Variants in TMF1 observed in about 807,000 individuals in gnomAD.
TMF1 encodes the protein TATA element modulatory factor 1.
A neutral mutation model predicts 126.5 loss-of-function variants in TMF1; 71 were observed. The ratio of observed to expected loss-of-function variants is 0.56; its 90% CI spans 0.46 to 0.68. TMF1 has a LOEUF of 0.68. Ranked by LOEUF, TMF1 falls within the 30% of genes least tolerant of loss-of-function variation. TMF1 has a pLI of 0.00. For missense variants in TMF1, 1,259 were observed against 1,253.2 expected (o/e 1.00, Z -0.07); for synonymous variants, 461 against 430.5 (o/e 1.07, Z -0.88).
chr3:69,029,882 T>C lies in TMF1; in HGVS notation c.2527A>G (p.Ser843Gly), dbSNP rs749839125. Residue 843 changes from serine to glycine, a missense_variant, in exon 11 of 17, where the codon AGT becomes GGT. Transcript: ENST00000398559. ...SQNSLLRQEN[S>G]RFQAQLESEK... ...GATTCTAGCTGGGCTTGAAATCTAC[T>C]GTTTTCCTGTCTTAAAAGAGAATTC... The C allele has an allele frequency of 2.3e-5, 37 of 1,614,068 alleles. No homozygotes were observed. Among genetic ancestry groups the C allele is most frequent in the Non-Finnish European group, 3.0e-5 (35 of 1,180,038 alleles).
chr3:69,030,313 C>CT (rs555516012), intron 10 of TMF1: 436 of 221,782 alleles, frequency 2.0e-3, no homozygotes, highest in African/African-American at 9.3e-3. Flanking sequence ...ACCAAAAAGC[C>CT]TACACATCAC....
intron 5 of TMF1, among the ~76,000 whole-genome samples, chr3:69,040,755 C>G (rs1223595977): frequency 6.6e-5 from 10 of 152,058 alleles, no homozygotes; most frequent in Non-Finnish European, 1.3e-4. Flanking sequence ...AACCCCATCT[C>G]TACTAAAAAT....
intron 9 of TMF1, among the ~76,000 whole-genome samples, chr3:69,034,812 A>G (rs2091823504): frequency 1.3e-5 from 2 of 152,196 alleles, no homozygotes; most frequent in Non-Finnish European, 2.9e-5. Flanking sequence ...CTATCATAAC[A>G]TTATTTTCTA....
rs1559637304 is a variant in TMF1, at chr3:69,051,964, G to A, written c.123C>T (p.Thr41=). The A allele has an allele frequency of 6.2e-7, 1 of 1,613,726 alleles. No individual in the cohort carries two copies. The highest frequency in any genetic ancestry group is 2.2e-5 in the East Asian group (1 of 44,838). ...QEEEPSIWAE[T]IPYGEPGISS... ...TCTTACCCGGCTCTCCATACGGAAT[G>A]GTCTCGGCCCAGATGCTCGGCTCCT... Residue 41 remains threonine (T), a synonymous_variant, in exon 1 of 17, where the codon ACC becomes ACT. Transcript: ENST00000398559.
At position 69,043,652 on chromosome 3, in the gene TMF1, T is replaced by C. The variant is rs2091879673; in HGVS notation, c.1578+98A>G. 5.1e-6 allele frequency: 6 copies of C among 1,169,840 alleles called. No individual in the cohort carries two copies. In the Admixed American group the frequency reaches 9.7e-5, roughly 19 times the overall value. The allele number at this position is 1,169,840 out of a possible 1,614,324, so 72.5% of individuals were successfully genotyped here. Reference sequence around the variant, plus strand: ...TTAATAGATGATATCCTTTTCACCTTACTTCTCTTTTTTCCAATATCAAAA... The same window carrying C: ...TTAATAGATGATATCCTTTTCACCTCACTTCTCTTTTTTCCAATATCAAAA... On this transcript the variant is annotated intron_variant, in intron 4 of 16. Coordinates refer to ENST00000398559, the MANE Select transcript of TMF1 (RefSeq NM_007114.3).
At chr3:69,035,283 T>C (rs2271122) in intron 8 of TMF1, 168 bp from the exon 9 acceptor site, 449,978 of 581,498 alleles carry the variant, frequency 0.77, 175,262 homozygotes, top group Admixed American at 0.84. Context: ...CAAGCAATTC[T>C]AAAACTGTAT....
At position 69,038,624 on chromosome 3, in the gene TMF1, A is replaced by T; in HGVS notation, c.2091T>A (p.Ser697=). The T allele has an allele frequency of 6.2e-7, 1 of 1,614,170 alleles. No individual in the cohort carries two copies. Among genetic ancestry groups the T allele is most frequent in the Non-Finnish European group, 8.5e-7 (1 of 1,180,030 alleles). The change falls in exon 8 of 17, where the codon TCT becomes TCA. Residue 697 remains serine (S), a synonymous_variant. Coordinates refer to ENST00000398559, the MANE Select transcript of TMF1 (RefSeq NM_007114.3). ...SREMKAKEEL[S]AALEKAQEEA... is the part of the protein sequence containing the mutation. Reference sequence around the variant, plus strand: ...CTTCTTGGGCCTTCTCTAATGCTGCAGAAAGTTCTTCTTTAGCTTTCATTT... The same window carrying T: ...CTTCTTGGGCCTTCTCTAATGCTGCTGAAAGTTCTTCTTTAGCTTTCATTT...
rs2091902224 is a variant in TMF1, at chr3:69,047,508, A to G, written c.1197T>C (p.Ser399=). The G allele has an allele frequency of 1.2e-6, 2 of 1,614,200 alleles. No individual in the cohort carries two copies. The highest frequency in any genetic ancestry group is 1.7e-6 in the Non-Finnish European group (2 of 1,180,038). The change falls in exon 2 of 17, where the codon AGT becomes AGC. Residue 399 remains serine, a synonymous_variant. Coordinates refer to ENST00000398559, the MANE Select transcript of TMF1 (RefSeq NM_007114.3). ...GCTGTTCACAGTTAACAGGAGTTGC[A>G]CTTCGTCCACTTTCTTCCATTTCTG... The part of the protein sequence containing the change: ...EEAEMEESGR[S]ATPVNCEQPD...
In TMF1 at chr3:69,038,318, G is replaced by GT. The variant is rs563736083; in HGVS notation, c.2151+245dup. The stretch of plus-strand genomic sequence containing the variant: ...ATTTTTGCTCTTCTCTTCTAAGAGG[G>GT]TTCCTAGCTTTTATAATACTCTCAA... On this transcript the variant is annotated intron_variant, in intron 8 of 16. Coordinates refer to ENST00000398559, the MANE Select transcript of TMF1 (RefSeq NM_007114.3). Among the ~76,000 whole-genome samples the GT allele has an allele frequency of 2.4e-3, 361 of 152,170 alleles. 16 individuals carry two copies. The South Asian group carries it at 0.07, about 30-fold the overall frequency.
intron 5 of TMF1, among the ~76,000 whole-genome samples, chr3:69,041,325 C>G (rs72923000): frequency 5.3e-5 from 8 of 152,274 alleles, no homozygotes; most frequent in African/African-American, 1.9e-4. Context: ...TCTCACTGAA[C>G]TAAGCCCCTA....
chr3:69,033,689 C>T lies in TMF1; in HGVS notation c.2260G>A (p.Glu754Lys). Residue 754 changes from glutamate (E) to lysine (K), a missense_variant, in exon 10 of 17, where the codon GAG (glutamate) becomes AAG (lysine). Physicochemically the swap from Glu to Lys is moderately conservative, Grantham distance 56. Transcript: ENST00000398559. ...TGACTCAGTTCCTGGTTTCGATTCT[C>T]TGCTTCCTGGAGTCTCTGAATCATG... ...GELQQRLQEA[E>K]NRNQELSQSV... The T allele has an allele frequency of 6.2e-7, 1 of 1,611,952 alleles. No individual in the cohort carries two copies. The highest frequency in any genetic ancestry group is 8.5e-7 in the Non-Finnish European group (1 of 1,179,378).
In TMF1 at chr3:69,048,493, T is replaced by C. The variant is rs370426365; in HGVS notation, c.212A>G (p.Gln71Arg). Reference protein sequence around the residue: ...TWGLKSNTEPQSPPIASPKAI... With the variant: ...TWGLKSNTEPRSPPIASPKAI... ...TTTAGGAGAGGCTATTGGTGGACTC[T>C]GAGGTTCAGTGTTTGATTTCAACCC... The change falls in exon 2 of 17, where the codon CAG becomes CGG. Residue 71 changes from glutamine (Q) to arginine (R), a missense_variant. By Grantham distance (43) the Gln-to-Arg change is conservative. Coordinates refer to ENST00000398559, the MANE Select transcript of TMF1 (RefSeq NM_007114.3). 20 of 1,614,024 alleles carry C rather than the reference T, an allele frequency of 1.2e-5. No individual in the cohort carries two copies. The highest frequency in any genetic ancestry group is 1.7e-5 in the Non-Finnish European group (20 of 1,180,008).
rs942582559 is a variant in TMF1 at position 69,022,870 on chromosome 3, A to G, written c.*307T>C. The G allele has an allele frequency of 1.4e-4, 28 of 204,280 alleles. No homozygotes were observed. The highest frequency in any genetic ancestry group is 4.5e-4 in the Admixed American group (8 of 17,718). The allele number at this position is 204,280 out of a possible 1,614,324, so 12.7% of individuals were successfully genotyped here. On this transcript the variant is annotated 3_prime_UTR_variant, in exon 17 of 17. Transcript: ENST00000398559. ...TATCTACAATACATATATGAACACC[A>G]TTCTTCTTCTCTAGCCATATTTATA...
intron 16 of TMF1, among the ~76,000 whole-genome samples, chr3:69,023,852 G>T (rs1017341484): frequency 1.3e-5 from 2 of 152,024 alleles, no homozygotes; most frequent in Non-Finnish European, 2.9e-5. Flanking sequence ...CCTATACTGG[G>T]ACTAAACATG....
chr3:69,023,597 A>T (rs924413796), intron 16 of TMF1, among the ~76,000 whole-genome samples: 2 of 152,082 alleles, frequency 1.3e-5, no homozygotes, highest in African/African-American at 4.8e-5. Context: ...CATTAATGTA[A>T]GCACACTTGA....
At chr3:69,041,077 T>G (rs2091861797) in intron 5 of TMF1, among the ~76,000 whole-genome samples, 3 of 152,196 alleles carry the variant, frequency 2.0e-5, no homozygotes, top group Admixed American at 1.3e-4. Context: ...CATCAGTTCA[T>G]TCTCTGACAA....
intron 8 of TMF1, among the ~76,000 whole-genome samples, chr3:69,037,252 T>G (rs905184786): frequency 6.6e-6 from 1 of 152,160 alleles, no homozygotes; most frequent in Non-Finnish European, 1.5e-5. Flanking sequence ...CCCCGCACTT[T>G]GGGAGGCCAA....
Position 69,042,837 on chromosome 3 carries a change from C to A in TMF1, c.1654G>T (p.Asp552Tyr). The A allele has an allele frequency of 6.2e-7, 1 of 1,613,720 alleles. No homozygotes were observed. The highest frequency in any genetic ancestry group is 1.1e-5 in the South Asian group (1 of 91,076). Residue 552 changes from aspartate (D) to tyrosine (Y), a missense_variant, in exon 5 of 17, where the codon GAT (aspartate) becomes TAT (tyrosine). Coordinates refer to ENST00000398559, the MANE Select transcript of TMF1 (RefSeq NM_007114.3). ...TCCATTAACCCTCGGATCTGCTCATCTTTCTCTTTCAAAAGGTCTGCAGTT... is the reference window on the plus strand; with the variant it reads ...TCCATTAACCCTCGGATCTGCTCATATTTCTCTTTCAAAAGGTCTGCAGTT... ...SETADLLKEK[D>Y]EQIRGLMEEG... is the part of the protein sequence containing the mutation.
At chr3:69,023,404 A>T (rs1414234194) in intron 16 of TMF1, 84 bp from the exon 17 acceptor site, 12 of 1,079,540 alleles carry the variant, frequency 1.1e-5, no homozygotes, top group African/African-American at 1.6e-5. Flanking sequence ...GTCAACAATG[A>T]AAACACTACA....
Sources: allele counts gnomAD v4.1 joint callset (sites outside exome capture counted in the v4.1 genomes callset), GRCh38; gene constraint gnomAD v4.1.1; transcripts MANE v1.5; gene names NCBI Gene and HGNC (gene_info 2026-07-23, HGNC 2026-07-21).